Variants in DNAH5 observed in about 807,000 individuals in gnomAD.
The protein encoded by DNAH5 is dynein axonemal heavy chain 5, also known as axonemal beta dynein heavy chain 5.
Under a neutral mutation model 518.2 loss-of-function variants are expected in DNAH5, and 372 were observed. The observed-to-expected ratio is 0.72, with a 90% CI of 0.66 to 0.78. The LOEUF (loss-of-function observed/expected upper bound fraction) is 0.78, where lower values mean the gene tolerates loss of function less well. DNAH5 is among the 30% of genes least tolerant of loss of function. The pLI, the probability that DNAH5 is intolerant of heterozygous loss-of-function variation, is 0.00. For synonymous variants in DNAH5, 2,039 were observed against 2,025.9 expected (o/e 1.01, Z -0.17); for missense variants, 5,523 against 5,687.0 (o/e 0.97, Z 0.93).
intron 28 of DNAH5, 126 bp downstream of exon 28, chr5:13,864,271 G>T: frequency 7.8e-7 from 1 of 1,288,330 alleles, no homozygotes; most frequent in Non-Finnish European, 1.1e-6. Context: ...GGAACTAGTG[G>T]CTGAATGCCA....
chr5:13,877,160 A>G (rs1167171599), intron 21 of DNAH5, among the ~76,000 whole-genome samples: 1 of 151,338 alleles, frequency 6.6e-6, no homozygotes, highest in Non-Finnish European at 1.5e-5. Flanking sequence ...TAACTGGAGG[A>G]AAAAAACCTA....
intron 44 of DNAH5, among the ~76,000 whole-genome samples, chr5:13,811,405 A>G (rs1026859779): frequency 6.6e-6 from 1 of 152,230 alleles, no homozygotes; most frequent in Non-Finnish European, 1.5e-5. Context: ...GTTAACCTGC[A>G]ACTAAATTCC....
chr5:13,794,036 T>C lies in DNAH5; in HGVS notation c.7910A>G (p.Asp2637Gly). The change falls in exon 48 of 79, where the codon GAT becomes GGT. Residue 2637 changes from aspartate (D) to glycine (G), a missense_variant. Coordinates refer to ENST00000265104, the MANE Select transcript of DNAH5 (RefSeq NM_001369.3). Reference protein sequence around the residue: ...MFQRTIESYVDKRMGTTYGPP... With the variant: ...MFQRTIESYVGKRMGTTYGPP... ...GCCATATGTTGTACCCATTCGTTTA[T>C]CCACATAGCTCTCTATCGTCCTCTG... 2 of 1,614,076 alleles carry C rather than the reference T, an allele frequency of 1.2e-6. No individual in the cohort carries two copies. The highest frequency in any genetic ancestry group is 1.1e-5 in the South Asian group (1 of 91,084).
In DNAH5 at chr5:13,701,404, C is replaced by A; in HGVS notation, c.13371G>T (p.Trp4457Cys). The change falls in exon 77 of 79, where the codon TGG (tryptophan) becomes TGT (cysteine). Residue 4457 changes from tryptophan (W) to cysteine (C), a missense_variant. Around this residue, in one of 3 missense-constraint regions of DNAH5, gnomAD observed 387 missense variants for 430.0 expected, o/e 0.90. Transcript: ENST00000265104. ...ASWISSTLGF[W>C]FTELIERNSQ... ...TGTTTCTTTCTATAAGTTCAGTAAA[C>A]CAGAAACCCAGTGTACTAGAAATCC... The A allele has an allele frequency of 3.7e-6, 6 of 1,613,340 alleles. No individual in the cohort carries two copies. Among genetic ancestry groups the A allele is most frequent in the Non-Finnish European group, 5.1e-6 (6 of 1,179,542 alleles).
intron 35 of DNAH5, among the ~76,000 whole-genome samples, chr5:13,832,245 C>T (rs550605560): frequency 2.6e-5 from 4 of 152,344 alleles, no homozygotes; most frequent in East Asian, 1.9e-4. Flanking sequence ...TGCAGACCCT[C>T]GTTACAACTG....
At chr5:13,844,039 CT>C (rs1765626374) in intron 32 of DNAH5, among the ~76,000 whole-genome samples, 3 of 55,274 alleles carry the variant, frequency 5.4e-5, no homozygotes, top group African/African-American at 2.9e-4. Flanking sequence ...TAACAAGTGG[CT>C]TTTAATTGCT....
At position 13,692,142 on chromosome 5, in the gene DNAH5, A is replaced by C. The variant is rs775698729; in HGVS notation, c.13724-7T>G. ...AACCGAGGATCTCGTAAAGCTACAA[A>C]AAACATAAAAGAAAAGAACTTGGTG... On this transcript the variant is annotated splice_polypyrimidine_tract_variant and splice_region_variant and intron_variant, in intron 78 of 78. Transcript: ENST00000265104. 23 of 1,613,964 alleles carry C rather than the reference A, an allele frequency of 1.4e-5. No individual in the cohort carries two copies. Among genetic ancestry groups the C allele is most frequent in the Non-Finnish European group, 1.9e-5 (23 of 1,179,920 alleles).
At chr5:13,819,689 A>G (rs1761964386) in intron 41 of DNAH5, among the ~76,000 whole-genome samples, 3 of 152,178 alleles carry the variant, frequency 2.0e-5, no homozygotes, top group Admixed American at 2.0e-4. Flanking sequence ...AGAACCAGAG[A>G]ATACAAGAAT....
rs1336360020 is a variant in DNAH5 at position 13,885,064 on chromosome 5, G to A, written c.2908C>T (p.Leu970Phe). The A allele has an allele frequency of 1.2e-6, 2 of 1,614,178 alleles. No homozygotes were observed. The highest frequency in any genetic ancestry group is 1.7e-6 in the Non-Finnish European group (2 of 1,180,014). The change falls in exon 19 of 79, where the codon CTT (leucine) becomes TTT (phenylalanine). Residue 970 changes from leucine (L) to phenylalanine (F), a missense_variant. Physicochemically the swap from Leu to Phe is conservative, Grantham distance 22. This residue lies in a region of DNAH5 where 5,121 missense variants were observed against 5,223.3 expected (regional missense o/e 0.98). Coordinates refer to ENST00000265104, the MANE Select transcript of DNAH5 (RefSeq NM_001369.3). ...SHFNHQNMDA[L>F]LKVTRNTLEA... ...AGTGTATTCCTTGTAACTTTCAGAA[G>A]AGCATCCATGTTCTGATGGTTGAAA...
At chr5:13,978,515 T>A (rs146220891) in intron 1 of DNAH5, among the ~76,000 whole-genome samples, 314 of 152,328 alleles carry the variant, frequency 2.1e-3, no homozygotes, top group African/African-American at 7.3e-3. Context: ...TATGTGTGTA[T>A]ATATACAGTC....
chr5:13,999,999 A>G (rs1293181482), intron 1 of DNAH5, among the ~76,000 whole-genome samples: 1 of 152,230 alleles, frequency 6.6e-6, no homozygotes, highest in East Asian at 1.9e-4. Flanking sequence ...GAAATTACTG[A>G]TAATAGGTTC....
In DNAH5 at chr5:13,753,303, G is replaced by C; in HGVS notation, c.10802C>G (p.Pro3601Arg). The change falls in exon 63 of 79, where the codon CCT becomes CGT. Residue 3601 changes from proline to arginine, a missense_variant. By Grantham distance (103) the Pro-to-Arg change is moderately radical. This residue lies in a region of DNAH5 where 5,121 missense variants were observed against 5,223.3 expected (regional missense o/e 0.98). Transcript: ENST00000265104. Reference sequence around the variant, plus strand: ...TTGAGTCTGTGGATCAATTAACAAAGGGTAACGAGATGCCTTCGTGACAAT... The same window carrying C: ...TTGAGTCTGTGGATCAATTAACAAACGGTAACGAGATGCCTTCGTGACAAT... ...GIIVTKASRY[P>R]LLIDPQTQGK... 1.2e-6 allele frequency: 2 copies of C among 1,613,818 alleles called. No individual in the cohort carries two copies. The highest frequency in any genetic ancestry group is 2.2e-5 in the South Asian group (2 of 91,060).
At position 13,823,325 on chromosome 5, in the gene DNAH5, A is replaced by C; in HGVS notation, c.6625T>G (p.Phe2209Val). 6.2e-7 allele frequency: 1 copy of C among 1,614,088 alleles called. No homozygotes were observed. Among genetic ancestry groups the C allele is most frequent in the South Asian group, 1.1e-5 (1 of 91,080 alleles). The change falls in exon 40 of 79, where the codon TTT becomes GTT. Residue 2209 changes from phenylalanine (F) to valine (V), a missense_variant. By Grantham distance (50) the Phe-to-Val change is conservative. This residue lies in a region of DNAH5 where 5,121 missense variants were observed against 5,223.3 expected (regional missense o/e 0.98). Transcript: ENST00000265104. ...GCCTTGTCCAGAAGAATATTTGGAA[A>C]GAGATCTTCAATCAAACTCAAAAAC... Reference protein sequence around the residue: ...PLFLSLIEDLFPNILLDKAGY... With the variant: ...PLFLSLIEDLVPNILLDKAGY...
At chr5:13,782,464 C>T (rs968834124) in intron 52 of DNAH5, among the ~76,000 whole-genome samples, 2 of 152,082 alleles carry the variant, frequency 1.3e-5, no homozygotes, top group African/African-American at 2.4e-5. Context: ...CCTGCTTGTC[C>T]CCTCTATGTG....
At position 13,735,222 on chromosome 5, in the gene DNAH5, C is replaced by G. The variant is rs1209894286; in HGVS notation, c.11670G>C (p.Glu3890Asp). ...GCAACAAGGTGAACAGGAATTTGTGCTCCTCGTACAGCCCTCGGGCAGCAT... is the reference window on the plus strand; with the variant it reads ...GCAACAAGGTGAACAGGAATTTGTGGTCCTCGTACAGCCCTCGGGCAGCAT... ...YKYAARGLYEEHKFLFTLLLT... is the reference protein window; with the variant it reads ...YKYAARGLYEDHKFLFTLLLT... Residue 3890 changes from glutamate to aspartate, a missense_variant, in exon 68 of 79, where the codon GAG (glutamate) becomes GAC (aspartate). By Grantham distance (45) the Glu-to-Asp change is conservative. Around this residue, in one of 3 missense-constraint regions of DNAH5, gnomAD observed 5,121 missense variants for 5,223.3 expected, o/e 0.98. Coordinates refer to ENST00000265104, the MANE Select transcript of DNAH5 (RefSeq NM_001369.3). 6.2e-7 allele frequency: 1 copy of G among 1,613,996 alleles called. No individual in the cohort carries two copies. Among genetic ancestry groups the G allele is most frequent in the Non-Finnish European group, 8.5e-7 (1 of 1,180,002 alleles).
chr5:13,984,981 A>T (rs543063077), intron 1 of DNAH5, among the ~76,000 whole-genome samples: 5 of 152,328 alleles, frequency 3.3e-5, no homozygotes, highest in South Asian at 4.1e-4. Context: ...ATGCACATGT[A>T]TGTTTATTGC....
In DNAH5 at chr5:13,737,394, G is replaced by T; in HGVS notation, c.11313C>A (p.Thr3771=). 1 of 1,614,068 alleles carries T rather than the reference G, an allele frequency of 6.2e-7. No individual in the cohort carries two copies. The highest frequency in any genetic ancestry group is 1.1e-5 in the South Asian group (1 of 91,078). ...EDNLLYRLTS[T]QGSLVEDESL... ...TTTCATCTTCTACCAGGGACCCCTG[G>T]GTACTTGTCAGGCGGTAAAGCAAGT... The change falls in exon 66 of 79, where the codon ACC becomes ACA. Residue 3771 remains threonine, a synonymous_variant. Coordinates refer to ENST00000265104, the MANE Select transcript of DNAH5 (RefSeq NM_001369.3).
At chr5:13,763,680 G>T (rs1392119354) in intron 59 of DNAH5, among the ~76,000 whole-genome samples, 1 of 152,194 alleles carries the variant, frequency 6.6e-6, no homozygotes, top group Non-Finnish European at 1.5e-5. Context: ...AACCTTCGCA[G>T]AACACATAAT....
chr5:13,883,003 AG>A lies in DNAH5; in HGVS notation c.3074del (p.Pro1025LeufsTer10). ...TLAIPNIVMA[P>X]ALEDVQQTLN... is the part of the protein sequence containing the mutation. ...GGGTCTGCTGTACATCTTCCAGGGC[AG>A]GGGCCATGACGATGTTGGGAATGGC... On this transcript the variant is annotated frameshift_variant, in exon 20 of 79. Transcript: ENST00000265104. LOFTEE classifies it high-confidence loss of function. 6.2e-7 allele frequency: 1 copy of A among 1,614,184 alleles called. No homozygotes were observed. The highest frequency in any genetic ancestry group is 8.5e-7 in the Non-Finnish European group (1 of 1,180,016).
Sources: gnomAD v4.1 joint callset for allele counts (sites outside exome capture counted in the v4.1 genomes callset) on GRCh38, gnomAD v4.1.1 for gene constraint, gnomAD v4.1.1 regional missense constraint, MANE v1.5 for transcripts, NCBI Gene and HGNC (gene_info 2026-07-23, HGNC 2026-07-21) for gene names.